The following C11orf65 variants were observed in gnomAD, a reference collection of about 807,000 sequenced individuals.
C11orf65 encodes the protein protein MFI.
C11orf65 carries 38 observed loss-of-function variants against 35.3 expected under a neutral mutation model. The ratio of observed to expected loss-of-function variants is 1.08; its 90% CI spans 0.83 to 1.41. The LOEUF (loss-of-function observed/expected upper bound fraction) is 1.41. Ranked by LOEUF, C11orf65 falls within the 40% of genes most tolerant of loss-of-function variation. The probability of loss-of-function intolerance (pLI) is 0.00; values close to 1 mark genes in which losing one functional copy is unlikely to be tolerated. For missense variants in C11orf65, 370 were observed against 367.1 expected, an observed-to-expected ratio of 1.01 and a Z score of -0.06; for synonymous variants, 105 against 114.4, an observed-to-expected ratio of 0.92 and a Z score of 0.53.
rs2086390522 is a variant in C11orf65, at chr11:108,332,692, T to G, written c.300-1125A>C. 2.6e-6 allele frequency: 4 copies of G among 1,521,990 alleles called. No individual in the cohort carries two copies. The South Asian group carries it at 4.7e-5, about 18-fold the overall frequency. 94.3% of individuals were successfully genotyped at this position (1,521,990 alleles called of 1,614,324 possible). A position where few individuals can be genotyped will look rare whatever the true frequency, so the allele number is the denominator to read the frequency against. ...TGCATAAATTCTGTTTTTCTCTTTG[T>G]TTTTCTAACTCTGAGAAGTTTAAAT... is the stretch of plus-strand genomic sequence containing the variant. On this transcript the variant is annotated intron_variant, in intron 3 of 3. Transcript: ENST00000524755.
chr11:108,398,346 G>A (rs181812410), intron 6 of C11orf65, among the ~76,000 whole-genome samples: 1 of 152,310 alleles, frequency 6.6e-6, no homozygotes, highest in East Asian at 1.9e-4. Flanking sequence ...CTAAAAGAGT[G>A]ATAAATCTAG....
intron 2 of C11orf65, among the ~76,000 whole-genome samples, chr11:108,354,610 G>A (rs368496405): frequency 7.2e-5 from 11 of 152,284 alleles, no homozygotes; most frequent in African/African-American, 1.9e-4. Context: ...CCAAGCTTGT[G>A]AAATAGTCAA....
intron 6 of C11orf65, chr11:108,310,358 C>T (rs2136022041): frequency 1.3e-6 from 2 of 1,559,430 alleles, no homozygotes; most frequent in Non-Finnish European, 8.8e-7. Context: ...TTAATGTTGG[C>T]ATTGTCTCAA....
chr11:108,430,412 T>G (rs977365479), intron 3 of C11orf65, among the ~76,000 whole-genome samples: 4 of 151,536 alleles, frequency 2.6e-5, no homozygotes, highest in African/African-American at 4.8e-5. Context: ...GTGCTGGAAT[T>G]ACAGGTGTGA....
chr11:108,325,430 G>A lies in C11orf65; in HGVS notation c.641-16359C>T, dbSNP rs2136313009. ...TCATGGCTCTACGCACAGTCATTTT[G>A]GAGATCCTGATGGAAAAGGAAATGG... On this transcript the variant is annotated intron_variant, in intron 6 of 6. Coordinates refer to the C11orf65 transcript ENST00000525729. The A allele has an allele frequency of 6.2e-7, 1 of 1,613,450 alleles. No individual in the cohort carries two copies. Among genetic ancestry groups the A allele is most frequent in the South Asian group, 1.1e-5 (1 of 91,066 alleles).
At chr11:108,343,847 T>C (rs767241072) in intron 2 of C11orf65, among the ~76,000 whole-genome samples, 3 of 152,182 alleles carry the variant, frequency 2.0e-5, no homozygotes, top group Non-Finnish European at 4.4e-5. Context: ...GAAACTGATA[T>C]AGAAAACCTT....
chr11:108,409,661 A>AC (rs2092620581), intron 3 of C11orf65, among the ~76,000 whole-genome samples: 1 of 151,924 alleles, frequency 6.6e-6, no homozygotes, highest in African/African-American at 2.4e-5. Context: ...CAGGCCATGG[A>AC]CTGGTACCAG....
intron 6 of C11orf65, among the ~76,000 whole-genome samples, chr11:108,315,065 A>G (rs1354762665): frequency 6.6e-6 from 1 of 152,234 alleles, no homozygotes; most frequent in East Asian, 1.9e-4. Context: ...CAAGGCTTAT[A>G]GTATTGCAGT....
At chr11:108,320,212 C>G (rs918363309) in intron 6 of C11orf65, among the ~76,000 whole-genome samples, 4 of 152,136 alleles carry the variant, frequency 2.6e-5, no homozygotes, top group African/African-American at 9.7e-5. Flanking sequence ...AATTCTCTGC[C>G]CTCCTTCAAA....
chr11:108,407,440 T>G (rs1330193732), intron 3 of C11orf65, among the ~76,000 whole-genome samples: 1 of 151,664 alleles, frequency 6.6e-6, no homozygotes, highest in Non-Finnish European at 1.5e-5. Flanking sequence ...GCCTCCCAGA[T>G]AGCTGAGACT....
At chr11:108,317,564 C>T (rs747527610) in intron 6 of C11orf65, 8 of 1,535,116 alleles carry the variant, frequency 5.2e-6, no homozygotes, top group Non-Finnish European at 7.1e-6. Context: ...CCTCTCTCCT[C>T]ATTCTAAACA....
At chr11:108,379,277 C>A (rs552156294), downstream of C11orf65, among the ~76,000 whole-genome samples, 46 of 152,224 alleles carry the variant, frequency 3.0e-4, 1 homozygote, top group South Asian at 8.5e-3. Flanking sequence ...CACATATATA[C>A]CATGGAATAC....
chr11:108,313,892 GT>G (rs1179350214), intron 6 of C11orf65, among the ~76,000 whole-genome samples: 1 of 151,782 alleles, frequency 6.6e-6, no homozygotes, highest in African/African-American at 2.4e-5. Flanking sequence ...TTTTTTTTAT[GT>G]TTTCATTTTT....
At chr11:108,347,678 A>AT (rs1455921581) in intron 2 of C11orf65, among the ~76,000 whole-genome samples, 1 of 152,092 alleles carries the variant, frequency 6.6e-6, no homozygotes, top group East Asian at 1.9e-4. Flanking sequence ...ACAAGGAGTA[A>AT]TTTTAAGATG....
chr11:108,312,460 A>C lies in C11orf65; in HGVS notation c.641-3389T>G, dbSNP rs1275100503. The stretch of plus-strand genomic sequence containing the variant: ...CCAGAGTACAACTATTTCTAGCTTG[A>C]GTGAAAAAAGTAAAGAAGAAACTGG... On this transcript the variant is annotated intron_variant, in intron 6 of 6. Coordinates refer to the C11orf65 transcript ENST00000525729. 1 of 1,594,720 alleles carries C rather than the reference A, an allele frequency of 6.3e-7. No individual in the cohort carries two copies. The highest frequency in any genetic ancestry group is 1.7e-5 in the Admixed American group (1 of 59,968).
At chr11:108,406,659 A>T in intron 5 of C11orf65, 104 bp downstream of exon 5, 1 of 757,504 alleles carries the variant, frequency 1.3e-6, no homozygotes, top group Non-Finnish European at 1.9e-6. Flanking sequence ...CAATTAAATT[A>T]CTAGGATTTA....
intron 2 of C11orf65, among the ~76,000 whole-genome samples, chr11:108,374,662 G>T (rs1260690828): frequency 2.0e-5 from 3 of 152,314 alleles, no homozygotes; most frequent in South Asian, 4.1e-4. Flanking sequence ...GTTGAGAGAA[G>T]AAGGCTTCAG....
In C11orf65 at chr11:108,365,317, G is replaced by A. The variant is rs1555151666; in HGVS notation, c.226+27891C>T. The A allele has an allele frequency of 6.2e-7, 1 of 1,614,152 alleles. No individual in the cohort carries two copies. The highest frequency in any genetic ancestry group is 8.5e-7 in the Non-Finnish European group (1 of 1,180,026). On this transcript the variant is annotated intron_variant, in intron 2 of 3. Coordinates refer to the C11orf65 transcript ENST00000524755. Reference sequence around the variant, plus strand: ...ACCTCACTGAAACCTTTGTGTTTTTGTCCTTAGTGATATTGACCAGAGTTT... The same window carrying A: ...ACCTCACTGAAACCTTTGTGTTTTTATCCTTAGTGATATTGACCAGAGTTT...
chr11:108,372,180 T>C (rs967963614), intron 2 of C11orf65, among the ~76,000 whole-genome samples: 1 of 148,972 alleles, frequency 6.7e-6, no homozygotes, highest in Non-Finnish European at 1.5e-5. Flanking sequence ...ATTTTATTCA[T>C]TCATTCATTC....
Sources: gnomAD v4.1 joint callset for allele counts (sites outside exome capture counted in the v4.1 genomes callset) on GRCh38, gnomAD v4.1.1 for gene constraint, MANE v1.5 for transcripts, NCBI Gene and HGNC (gene_info 2026-07-23, HGNC 2026-07-21) for gene names.